ANKRD28: variants seen among roughly 807,000 people sequenced by gnomAD.
ANKRD28 encodes the protein ankyrin repeat domain 28, also known as serine/threonine-protein phosphatase 6 regulatory ankyrin repeat subunit A.
ANKRD28 carries 44 observed loss-of-function variants against 126.5 expected under a neutral mutation model. The ratio of observed to expected loss-of-function variants is 0.35; its 90% CI spans 0.27 to 0.45. The LOEUF is 0.45. Ranked by LOEUF, ANKRD28 falls within the 20% of genes least tolerant of loss-of-function variation. The probability of loss-of-function intolerance (pLI) is 1.00; values close to 1 mark genes in which losing one functional copy is unlikely to be tolerated. For synonymous variants in ANKRD28, 442 were observed against 468.5 expected (o/e 0.94, Z 0.73); for missense variants, 1,110 against 1,316.6 (o/e 0.84, Z 2.43).
At position 15,812,212 on chromosome 3, in the gene ANKRD28, A is replaced by C. The variant is rs965441983; in HGVS notation, c.28-16906T>G. On this transcript the variant is annotated intron_variant, in intron 1 of 27. Coordinates refer to the ANKRD28 transcript ENST00000399451. This position sits in a 1 kb window ranked among gnomAD's most constrained non-coding sequence, Gnocchi z 4.1. ...AACAATAAAATGTTTCTAAGATGAT[A>C]ATCAAAGATGGCATCATAGAGCTGG... Among the ~76,000 whole-genome samples the C allele has an allele frequency of 6.6e-6, 1 of 152,028 alleles. No individual in the cohort carries two copies. The highest frequency in any genetic ancestry group is 6.6e-5 in the Admixed American group (1 of 15,256).
Position 15,853,841 on chromosome 3 carries a change from C to A in ANKRD28, c.27+5536G>T, listed in dbSNP as rs1349099181. On this transcript the variant is annotated intron_variant, in intron 1 of 27. Coordinates refer to the ANKRD28 transcript ENST00000399451. This position sits in a 1 kb window ranked among gnomAD's most constrained non-coding sequence, Gnocchi z 4.2. Reference sequence around the variant, plus strand: ...CTGGAACTATGTATCCAAAAAATTACCAATTATCATACAAATCCAAGACAC... The same window carrying A: ...CTGGAACTATGTATCCAAAAAATTAACAATTATCATACAAATCCAAGACAC... Among the ~76,000 whole-genome samples the A allele has an allele frequency of 6.6e-6, 1 of 152,028 alleles. No homozygotes were observed. The highest frequency in any genetic ancestry group is 6.6e-5 in the Admixed American group (1 of 15,254).
chr3:15,794,834 A>G lies in ANKRD28; in HGVS notation c.201+389T>C, dbSNP rs918860091. ...AATCCTCATTTGAAATGCACAGTTA[A>G]GTATTTAATGGTGAAGTATCATGAT... is the stretch of plus-strand genomic sequence containing the variant. On this transcript the variant is annotated intron_variant, in intron 2 of 27. Coordinates refer to ENST00000683139, the MANE Select transcript of ANKRD28 (RefSeq NM_001349278.2). Among the ~76,000 whole-genome samples, 3 of 152,354 alleles carry G rather than the reference A, an allele frequency of 2.0e-5. No homozygotes were observed. The East Asian group carries it at 5.8e-4, about 29-fold the overall frequency.
chr3:15,722,262 A>G (rs1447305088), intron 7 of ANKRD28, among the ~76,000 whole-genome samples: 1 of 152,214 alleles, frequency 6.6e-6, no homozygotes, highest in Non-Finnish European at 1.5e-5. Flanking sequence ...ATGGACAACC[A>G]ATCAAGCCAT....
At chr3:15,758,327 A>G (rs2058278094) in intron 3 of ANKRD28, among the ~76,000 whole-genome samples, 1 of 152,222 alleles carries the variant, frequency 6.6e-6, no homozygotes, top group Admixed American at 6.5e-5. Context: ...GGCTCAGAGT[A>G]GAATGAGCAA....
intron 4 of ANKRD28, among the ~76,000 whole-genome samples, chr3:15,741,817 A>G (rs1346191305): frequency 6.9e-6 from 1 of 145,968 alleles, no homozygotes; most frequent in African/African-American, 2.6e-5. Context: ...CTGCCATCTC[A>G]GCTCACTGCA....
At chr3:15,717,819 T>C (rs2073250465) in intron 8 of ANKRD28, among the ~76,000 whole-genome samples, 1 of 152,148 alleles carries the variant, frequency 6.6e-6, no homozygotes, top group Admixed American at 6.6e-5. Flanking sequence ...CCTGATTCAT[T>C]TTACCTCTAC....
chr3:15,676,335 TACAGACTATAC>T, intron 26 of ANKRD28: 1 of 198,608 alleles, frequency 5.0e-6, no homozygotes, highest in Non-Finnish European at 1.0e-5. Context: ...CTGGTAAAGA[TACAGACTATAC>T]ATTAAAAACT....
intron 14 of ANKRD28, among the ~76,000 whole-genome samples, chr3:15,698,531 C>T (rs1019197745): frequency 2.0e-5 from 3 of 152,204 alleles, no homozygotes; most frequent in African/African-American, 7.2e-5. Flanking sequence ...TGATAAGCAA[C>T]TTCAGCAAAG....
chr3:15,672,999 C>T (rs1456508886), intron 27 of ANKRD28, among the ~76,000 whole-genome samples: 1 of 139,200 alleles, frequency 7.2e-6, no homozygotes, highest in Non-Finnish European at 1.5e-5. Flanking sequence ...TGGTCTCGAA[C>T]TCCTGACCTC....
At chr3:15,673,695 A>G (rs2066609912) in intron 27 of ANKRD28, among the ~76,000 whole-genome samples, 1 of 152,210 alleles carries the variant, frequency 6.6e-6, no homozygotes, top group Admixed American at 6.5e-5. Context: ...GATTTGAAAC[A>G]GGTGACGAAT....
upstream of ANKRD28, among the ~76,000 whole-genome samples, chr3:15,800,661 C>G (rs2060444777): frequency 6.6e-6 from 1 of 152,028 alleles, no homozygotes; most frequent in South Asian, 2.1e-4. Flanking sequence ...ACTAGACAAG[C>G]ACATACTAAG....
At chr3:15,750,708 T>C (rs1380138743) in intron 4 of ANKRD28, among the ~76,000 whole-genome samples, 3 of 152,134 alleles carry the variant, frequency 2.0e-5, no homozygotes, top group Non-Finnish European at 4.4e-5. Context: ...CAATGAGGAA[T>C]ACAAAGGACA....
chr3:15,827,911 G>A (rs1418934786), intron 1 of ANKRD28, among the ~76,000 whole-genome samples: 1 of 152,072 alleles, frequency 6.6e-6, no homozygotes, highest in Non-Finnish European at 1.5e-5. Context: ...AAATGGACAA[G>A]GGACTTGAAT....
At chr3:15,718,377 A>T (rs1467423105) in intron 8 of ANKRD28, among the ~76,000 whole-genome samples, 3 of 152,188 alleles carry the variant, frequency 2.0e-5, no homozygotes, top group African/African-American at 7.2e-5. Context: ...TTTGCTAAAA[A>T]ATTCACTTGT....
At chr3:15,803,707 C>G (rs1394440185) in intron 1 of ANKRD28, among the ~76,000 whole-genome samples, 1 of 146,154 alleles carries the variant, frequency 6.8e-6, no homozygotes, top group African/African-American at 2.5e-5. Flanking sequence ...AGATGATAAT[C>G]AGAAACCTCC....
Position 15,711,238 on chromosome 3 carries a change from G to C in ANKRD28, c.1310C>G (p.Thr437Ser). 1 of 1,612,622 alleles carries C rather than the reference G, an allele frequency of 6.2e-7. No individual in the cohort carries two copies. The highest frequency in any genetic ancestry group is 2.2e-5 in the East Asian group (1 of 44,812). Residue 437 changes from threonine to serine, a missense_variant, in exon 12 of 28, where the codon ACT becomes AGT. Transcript: ENST00000683139. ...DIDTPDDFGR[T>S]CLHAAAAGGN... is the part of the protein sequence containing the mutation. ...TCCAGCTGCAGCTGCATGTAGACAA[G>C]TCCTGCCAAAATCATCTGGGGTATC...
chr3:15,675,935 C>T lies in ANKRD28; in HGVS notation c.2928G>A (p.Leu976=), dbSNP rs1356576226. The change falls in exon 27 of 28, where the codon TTG becomes TTA. Residue 976 remains leucine, a synonymous_variant. Coordinates refer to ENST00000683139, the MANE Select transcript of ANKRD28 (RefSeq NM_001349278.2). ...NGLTMVVQEL[L]GKGASVLAVD... ...CTGCAAGCACACTTGCTCCTTTTCCCAAAAGTTCCTGAACCACCATTGTTA... is the reference window on the plus strand; with the variant it reads ...CTGCAAGCACACTTGCTCCTTTTCCTAAAAGTTCCTGAACCACCATTGTTA... 3.7e-6 allele frequency: 6 copies of T among 1,612,908 alleles called. No homozygotes were observed. The highest frequency in any genetic ancestry group is 5.1e-6 in the Non-Finnish European group (6 of 1,179,172).
rs185629979 is a variant in ANKRD28 at position 15,794,037 on chromosome 3, T to C, written c.201+1186A>G. Among the ~76,000 whole-genome samples, 700 of 152,260 alleles carry C rather than the reference T, an allele frequency of 4.6e-3. 6 individuals are homozygous for C. Among genetic ancestry groups the C allele is most frequent in the Non-Finnish European group, 7.5e-3 (512 of 68,018 alleles). On this transcript the variant is annotated intron_variant, in intron 2 of 27. Coordinates refer to ENST00000683139, the MANE Select transcript of ANKRD28 (RefSeq NM_001349278.2). ...GTGAGCGGAGATCATGCCACTACAC[T>C]CCAGCCTGGGCAACAGAGCCAGACT...
intron 9 of ANKRD28, 50 bp from the exon 10 acceptor site, chr3:15,713,691 C>G (rs2072623964): frequency 8.4e-7 from 1 of 1,187,254 alleles, no homozygotes; most frequent in African/African-American, 1.6e-5. Context: ...AAGATCAGGT[C>G]AAACGTACTA....
Sources: gnomAD v4.1 joint callset for allele counts (sites outside exome capture counted in the v4.1 genomes callset) on GRCh38, gnomAD v4.1.1 for gene constraint, Gnocchi (gnomAD v3.1) non-coding constraint, MANE v1.5 for transcripts, NCBI Gene and HGNC (gene_info 2026-07-23, HGNC 2026-07-21) for gene names.